Variants in SESN2 observed in about 807,000 individuals in gnomAD.
SESN2 encodes sestrin-2.
SESN2 carries 42 observed loss-of-function variants against 56.0 expected under a neutral mutation model. The observed-to-expected ratio is 0.75, with a 90% CI of 0.59 to 0.97. SESN2 has a LOEUF of 0.97. Ranked by LOEUF, SESN2 falls within the 50% of genes least tolerant of loss-of-function variation. The probability of loss-of-function intolerance (pLI) is 0.00; values close to 1 mark genes in which losing one functional copy is unlikely to be tolerated. For missense variants in SESN2, 507 were observed against 649.4 expected (o/e 0.78, Z 2.38); for synonymous variants, 264 against 267.1 (o/e 0.99, Z 0.11).
At chr1:28,271,911 G>A in intron 3 of SESN2, 40 bp downstream of exon 3, 2 of 1,589,154 alleles carry the variant, frequency 1.3e-6, no homozygotes, top group African/African-American at 1.3e-5. Flanking sequence ...AGGTGGCTTT[G>A]TGGTGGGTTC....
At chr1:28,262,355 T>C (rs1212471785) in intron 1 of SESN2, among the ~76,000 whole-genome samples, 1 of 152,100 alleles carries the variant, frequency 6.6e-6, no homozygotes, top group Non-Finnish European at 1.5e-5. Context: ...CCCGAATAAC[T>C]TTCTCGGCCA....
chr1:28,276,878 C>CT (rs56403975), intron 8 of SESN2, among the ~76,000 whole-genome samples: 3,208 of 117,916 alleles, frequency 0.027, 68 homozygotes, highest in African/African-American at 0.057. Context: ...TGCGCCCAGC[C>CT]TTTTTTTTTT....
At chr1:28,263,165 AC>A (rs1173356211) in intron 1 of SESN2, among the ~76,000 whole-genome samples, 2 of 152,052 alleles carry the variant, frequency 1.3e-5, no homozygotes, top group Non-Finnish European at 2.9e-5. Flanking sequence ...GGCTTAGCTG[AC>A]CCTTGTGAAC....
At position 28,274,072 on chromosome 1, in the gene SESN2, A is replaced by C; in HGVS notation, c.934A>C (p.Met312Leu). 6.2e-7 allele frequency: 1 copy of C among 1,613,910 alleles called. No individual in the cohort carries two copies. The highest frequency in any genetic ancestry group is 8.5e-7 in the Non-Finnish European group (1 of 1,179,904). ...DILEPSPHPDMLCFVEDPTFG... is the reference protein window; with the variant it reads ...DILEPSPHPDLLCFVEDPTFG... ...CCTGGAGCCCTCTCCACACCCAGAC[A>C]TGCTGTGCTTTGTGGAAGACCCTAC... Residue 312 changes from methionine to leucine, a missense_variant, in exon 7 of 10, where the codon ATG becomes CTG. Transcript: ENST00000253063.
chr1:28,263,749 G>A (rs1647462654), intron 1 of SESN2, among the ~76,000 whole-genome samples: 1 of 152,112 alleles, frequency 6.6e-6, no homozygotes, highest in African/African-American at 2.4e-5. Context: ...GACCTTAGAA[G>A]CCAGGCAGCC....
intron 8 of SESN2, among the ~76,000 whole-genome samples, chr1:28,275,469 A>G (rs974154518): frequency 6.6e-6 from 1 of 152,196 alleles, no homozygotes; most frequent in African/African-American, 2.4e-5. Flanking sequence ...TAAAAATTAC[A>G]ATAGGCTGGG....
rs77253003 is a variant in SESN2, at chr1:28,273,441, G to A, written c.834G>A (p.Thr278=). Residue 278 remains threonine (T), a synonymous_variant, in exon 6 of 10, where the codon ACG becomes ACA. Coordinates refer to ENST00000253063, the MANE Select transcript of SESN2 (RefSeq NM_031459.5). ...AGAGCCTGCTGCGGGATGAGGGGAC[G>A]TCCCAGGAGGAGATGGAGAGCCGCT... ...LQESLLRDEG[T]SQEEMESRFE... is the part of the protein sequence containing the mutation. 6.3e-4 allele frequency: 1,015 copies of A among 1,611,732 alleles called. 4 individuals are homozygous for A. In the African/African-American group the frequency reaches 0.01, roughly 16 times the overall value.
chr1:28,274,429 G>A (rs1213577942), intron 7 of SESN2, among the ~76,000 whole-genome samples: 1 of 152,208 alleles, frequency 6.6e-6, no homozygotes, highest in Non-Finnish European at 1.5e-5. Context: ...CTACTTGAAT[G>A]GCTGAGGTGG....
Position 28,273,486 on chromosome 1 carries a change from G to A in SESN2, c.879G>A (p.Glu293=), listed in dbSNP as rs1214872874. Residue 293 remains glutamate (E), a synonymous_variant, in exon 6 of 10, where the codon GAG becomes GAA. Coordinates refer to ENST00000253063, the MANE Select transcript of SESN2 (RefSeq NM_031459.5). ...GCCGCTTTGAGCTGGAGAAGTCAGA[G>A]AGCCTGCTGGTGACCCCCTCAGGTA... ...MESRFELEKS[E]SLLVTPSADI... 2 of 1,609,178 alleles carry A rather than the reference G, an allele frequency of 1.2e-6. No homozygotes were observed. Among genetic ancestry groups the A allele is most frequent in the Non-Finnish European group, 1.7e-6 (2 of 1,178,292 alleles).
At position 28,273,386 on chromosome 1, in the gene SESN2, C is replaced by T. The variant is rs145754239; in HGVS notation, c.779C>T (p.Ala260Val). The T allele has an allele frequency of 5.0e-4, 796 of 1,606,224 alleles. No homozygotes were observed. Among genetic ancestry groups the T allele is most frequent in the African/African-American group, 9.2e-4 (69 of 74,700 alleles). The change falls in exon 6 of 10, where the codon GCG (alanine) becomes GTG (valine). Residue 260 changes from alanine (A) to valine (V), a missense_variant. By Grantham distance (64) the Ala-to-Val change is moderately conservative (BLOSUM62 0). Coordinates refer to ENST00000253063, the MANE Select transcript of SESN2 (RefSeq NM_031459.5). ...GGFESARDVEALMERMQQLQE... is the reference protein window; with the variant it reads ...GGFESARDVEVLMERMQQLQE... ...TTTGAGTCTGCCCGCGACGTGGAGG[C>T]GCTGATGGAGCGCATGCAGCAGCTG...
chr1:28,265,357 C>T (rs575187938), intron 1 of SESN2, among the ~76,000 whole-genome samples: 1 of 152,264 alleles, frequency 6.6e-6, no homozygotes, highest in African/African-American at 2.4e-5. Flanking sequence ...CTCGCGTTCC[C>T]TCTGGCTGGA....
chr1:28,268,084 T>A (rs979238761), intron 1 of SESN2, among the ~76,000 whole-genome samples: 2 of 150,646 alleles, frequency 1.3e-5, no homozygotes, highest in African/African-American at 4.9e-5. Context: ...GAGGGGGAGG[T>A]AGGGTTTTAA....
chr1:28,276,600 A>G (rs1347449291), intron 8 of SESN2, among the ~76,000 whole-genome samples: 7 of 56,814 alleles, frequency 1.2e-4, no homozygotes, highest in African/African-American at 6.0e-4. Context: ...TTTTTTTGAG[A>G]CAGAGTTTCA....
rs566076103 is a variant in SESN2 at position 28,281,171 on chromosome 1, G to A, written c.*369G>A. The A allele has an allele frequency of 4.3e-5, 8 of 188,080 alleles. No individual in the cohort carries two copies. Among genetic ancestry groups the A allele is most frequent in the South Asian group, 1.4e-4 (1 of 7,020 alleles). The allele number at this position is 188,080 out of a possible 1,614,324, so 11.7% of individuals were successfully genotyped here. On this transcript the variant is annotated 3_prime_UTR_variant, in exon 10 of 10. Transcript: ENST00000253063. Reference sequence around the variant, plus strand: ...ACTGGGAAGTCCCTGGCTGGCCCCCGGGGGAGAGGGGCAAATGCCTCCGGG... The same window carrying A: ...ACTGGGAAGTCCCTGGCTGGCCCCCAGGGGAGAGGGGCAAATGCCTCCGGG...
In SESN2 at chr1:28,274,998, C is replaced by G; in HGVS notation, c.1194C>G (p.His398Gln). 1 of 1,613,420 alleles carries G rather than the reference C, an allele frequency of 6.2e-7. No homozygotes were observed. ...GCAGGGCCATCTGGAACTATATCCACTGCGTCTTTGGCATCAGGTGAGCTC... is the reference window on the plus strand; with the variant it reads ...GCAGGGCCATCTGGAACTATATCCAGTGCGTCTTTGGCATCAGGTGAGCTC... Reference protein sequence around the residue: ...VLRRAIWNYIHCVFGIRYDDY... With the variant: ...VLRRAIWNYIQCVFGIRYDDY... Residue 398 changes from histidine to glutamine, a missense_variant, in exon 8 of 10, where the codon CAC becomes CAG. By Grantham distance (24) the His-to-Gln change is conservative. Transcript: ENST00000253063.
chr1:28,263,087 C>T (rs1647438166), intron 1 of SESN2, among the ~76,000 whole-genome samples: 1 of 152,070 alleles, frequency 6.6e-6, no homozygotes, highest in Admixed American at 6.6e-5. Flanking sequence ...CTGGAGATAC[C>T]CTGCAAGTCT....
intron 1 of SESN2, among the ~76,000 whole-genome samples, chr1:28,263,186 C>T (rs1328286007): frequency 2.0e-5 from 3 of 152,170 alleles, no homozygotes; most frequent in East Asian, 3.8e-4. Context: ...CTATTCCAGC[C>T]GTGGAGTCAG....
chr1:28,279,868 T>C (rs912816821), intron 9 of SESN2, among the ~76,000 whole-genome samples: 20 of 151,876 alleles, frequency 1.3e-4, no homozygotes, highest in African/African-American at 4.1e-4. Flanking sequence ...CCTGTTTTTT[T>C]TTTGAGACAG....
intron 8 of SESN2, among the ~76,000 whole-genome samples, chr1:28,275,402 C>T (rs894900937): frequency 2.0e-5 from 3 of 152,120 alleles, no homozygotes; most frequent in African/African-American, 4.8e-5. Context: ...AACATAAATG[C>T]TCAGTAGGGG....
Sources: allele counts gnomAD v4.1 joint callset (sites outside exome capture counted in the v4.1 genomes callset), GRCh38; gene constraint gnomAD v4.1.1; transcripts MANE v1.5; gene names NCBI Gene and HGNC (gene_info 2026-07-23, HGNC 2026-07-21).